Variants in PTPRD observed in about 807,000 individuals in gnomAD.
The protein encoded by PTPRD is receptor-type tyrosine-protein phosphatase delta.
PTPRD carries 34 observed loss-of-function variants against 214.5 expected under a neutral mutation model. That is an observed-to-expected ratio of 0.16 (90% CI 0.12 to 0.21). PTPRD has a LOEUF of 0.21. Among genes scored for constraint, PTPRD ranks in the 10% least tolerant of loss-of-function variants. The pLI, the probability that PTPRD is intolerant of heterozygous loss-of-function variation, is 1.00. For synonymous variants in PTPRD, 1,128 were observed against 845.7 expected (o/e 1.33, Z -5.79); for missense variants, 2,545 against 2,398.7 (o/e 1.06, Z -1.27).
chr9:9,560,212 C>T (rs1340288217), intron 8 of PTPRD, among the ~76,000 whole-genome samples: 1 of 152,158 alleles, frequency 6.6e-6, no homozygotes, highest in Non-Finnish European at 1.5e-5. Flanking sequence ...ACAACTCAGC[C>T]AGGACACAGG....
At chr9:9,379,730 C>T (rs1466693254) in intron 9 of PTPRD, among the ~76,000 whole-genome samples, 2 of 151,748 alleles carry the variant, frequency 1.3e-5, no homozygotes, top group Non-Finnish European at 2.9e-5. Flanking sequence ...TTGTAGTTTT[C>T]CTCATATAGA....
At chr9:9,047,663 A>T (rs909763190) in intron 10 of PTPRD, among the ~76,000 whole-genome samples, 1 of 152,182 alleles carries the variant, frequency 6.6e-6, no homozygotes, top group Non-Finnish European at 1.5e-5. Context: ...CAGTCTCTTC[A>T]ATAAATGGTG....
chr9:8,441,394 G>C (rs2095542703), intron 34 of PTPRD, among the ~76,000 whole-genome samples: 1 of 152,042 alleles, frequency 6.6e-6, no homozygotes, highest in African/African-American at 2.4e-5. Context: ...AATCGGTTCA[G>C]ACTGTTCAGG....
intron 2 of PTPRD, among the ~76,000 whole-genome samples, chr9:10,459,054 C>A (rs2098938643): frequency 6.6e-6 from 1 of 152,088 alleles, no homozygotes; most frequent in Non-Finnish European, 1.5e-5. Context: ...CCCCTAGCCC[C>A]CCATCCATGA....
intron 7 of PTPRD, among the ~76,000 whole-genome samples, chr9:9,623,406 G>A (rs1218103398): frequency 6.6e-6 from 1 of 152,054 alleles, no homozygotes; most frequent in Non-Finnish European, 1.5e-5. Context: ...ATTAGATGCC[G>A]TGCTATTCAG....
intron 2 of PTPRD, among the ~76,000 whole-genome samples, chr9:10,535,938 G>A (rs531450687): frequency 6.6e-6 from 1 of 152,078 alleles, no homozygotes; most frequent in Non-Finnish European, 1.5e-5. Context: ...CTTAATACTC[G>A]ACAAAACAGT....
chr9:10,114,302 A>C (rs1182012567), intron 3 of PTPRD, among the ~76,000 whole-genome samples: 1 of 152,184 alleles, frequency 6.6e-6, no homozygotes, highest in East Asian at 1.9e-4. Flanking sequence ...GGGTCAAAGG[A>C]AATAGGATAT....
intron 7 of PTPRD, among the ~76,000 whole-genome samples, chr9:9,707,414 T>G (rs80025997): frequency 6.6e-6 from 1 of 152,150 alleles, no homozygotes; most frequent in Non-Finnish European, 1.5e-5. Context: ...GTAATCCCTC[T>G]CTAATAGAAC....
intron 8 of PTPRD, among the ~76,000 whole-genome samples, chr9:9,451,732 T>C (rs1308915850): frequency 6.6e-6 from 1 of 151,632 alleles, no homozygotes; most frequent in African/African-American, 2.4e-5. Context: ...TTAGAAAGCA[T>C]TAAATTAATA....
rs1290150315 is a variant in PTPRD at position 10,261,090 on chromosome 9, T to C, written c.-545+79873A>G. Among the ~76,000 whole-genome samples the C allele has an allele frequency of 2.7e-5, 4 of 145,964 alleles. No homozygotes were observed. In the East Asian group the frequency reaches 7.8e-4, roughly 28 times the overall value. ...TATTATATATATGTGTGTATATATA[T>C]ATATATAGAGAGAGAGTCACTTTTC... On this transcript the variant is annotated intron_variant, in intron 3 of 45. Coordinates refer to ENST00000381196, the MANE Select transcript of PTPRD (RefSeq NM_002839.4).
chr9:8,408,752 T>C (rs746033037), intron 35 of PTPRD, among the ~76,000 whole-genome samples: 1 of 152,118 alleles, frequency 6.6e-6, no homozygotes, highest in Non-Finnish European at 1.5e-5. Context: ...GCCTGCACAC[T>C]GGGCACTTGA....
chr9:10,009,693 G>A (rs1366898671), intron 4 of PTPRD, among the ~76,000 whole-genome samples: 2 of 106,216 alleles, frequency 1.9e-5, no homozygotes, highest in Non-Finnish European at 5.1e-5. Flanking sequence ...TCTGGAAAGG[G>A]AAGGGGATTT....
chr9:9,730,050 C>A (rs146100317), intron 7 of PTPRD, among the ~76,000 whole-genome samples: 1 of 151,950 alleles, frequency 6.6e-6, no homozygotes, highest in Non-Finnish European at 1.5e-5. Flanking sequence ...CATTTTAACA[C>A]AAAACATTTA....
intron 9 of PTPRD, among the ~76,000 whole-genome samples, chr9:9,293,494 T>C (rs1236979064): frequency 6.6e-6 from 1 of 151,354 alleles, no homozygotes; most frequent in African/African-American, 2.4e-5. Context: ...GAATCACCCA[T>C]TTCTACAAGG....
chr9:10,399,099 T>A (rs1413971783), intron 2 of PTPRD, among the ~76,000 whole-genome samples: 2 of 151,940 alleles, frequency 1.3e-5, no homozygotes, highest in Non-Finnish European at 2.9e-5. Context: ...AGAGATGAGG[T>A]CTTTACTTAA....
intron 12 of PTPRD, among the ~76,000 whole-genome samples, chr9:8,657,282 C>T (rs988591187): frequency 6.6e-6 from 1 of 151,628 alleles, no homozygotes; most frequent in Middle Eastern, 3.2e-3. Flanking sequence ...ATTCTCTTGC[C>T]TCAGCCTCCT....
chr9:8,906,564 C>T (rs1446422386), intron 11 of PTPRD, among the ~76,000 whole-genome samples: 1 of 152,138 alleles, frequency 6.6e-6, no homozygotes, highest in African/African-American at 2.4e-5. Flanking sequence ...AGACATCATC[C>T]TATACAAAAA....
At chr9:8,970,039 T>C (rs1353170808) in intron 11 of PTPRD, among the ~76,000 whole-genome samples, 4 of 151,870 alleles carry the variant, frequency 2.6e-5, no homozygotes, top group African/African-American at 9.7e-5. Flanking sequence ...ATACAGGAAA[T>C]TGGACTAGGA....
At chr9:9,942,187 C>A (rs1419552271) in intron 4 of PTPRD, among the ~76,000 whole-genome samples, 1 of 152,088 alleles carries the variant, frequency 6.6e-6, no homozygotes, top group Non-Finnish European at 1.5e-5. Context: ...AAATTTCCTT[C>A]TGGAAATACA....
Sources: allele counts gnomAD v4.1 joint callset (sites outside exome capture counted in the v4.1 genomes callset), GRCh38; gene constraint gnomAD v4.1.1; transcripts MANE v1.5; gene names NCBI Gene and HGNC (gene_info 2026-07-23, HGNC 2026-07-21).